The following PLXNA4 variants were observed in gnomAD, a reference collection of about 807,000 sequenced individuals.
PLXNA4 encodes plexin A4.
A neutral mutation model predicts 191.8 loss-of-function variants in PLXNA4; 44 were observed. That is an observed-to-expected ratio of 0.23 (90% CI 0.18 to 0.29). The LOEUF is 0.29. PLXNA4 is among the 10% of genes least tolerant of loss of function. PLXNA4 has a pLI of 1.00. For synonymous variants in PLXNA4, 1,082 were observed against 1,009.5 expected (o/e 1.07, Z -1.36); for missense variants, 1,800 against 2,488.8 (o/e 0.72, Z 5.89).
At position 132,521,252 on chromosome 7, in the gene PLXNA4, A is replaced by G. The variant is rs113833857; in HGVS notation, c.-86-12473T>C. Among the ~76,000 whole-genome samples, 937 of 152,048 alleles carry G rather than the reference A, an allele frequency of 6.2e-3. 9 individuals are homozygous for G. Among genetic ancestry groups the G allele is most frequent in the African/African-American group, 0.022 (915 of 41,464 alleles). On this transcript the variant is annotated intron_variant, in intron 1 of 31. Transcript: ENST00000321063. Reference sequence around the variant, plus strand: ...TGGGGCCAGGCACTACTACCTGAGAATATGTAAGGGGGTAGCAGAATAGAG... The same window carrying G: ...TGGGGCCAGGCACTACTACCTGAGAGTATGTAAGGGGGTAGCAGAATAGAG...
chr7:132,357,890 G>A (rs762239522), intron 3 of PLXNA4, among the ~76,000 whole-genome samples: 5 of 152,206 alleles, frequency 3.3e-5, no homozygotes, highest in Non-Finnish European at 5.9e-5. Context: ...GCTCTGGGCC[G>A]AGCCCAAGTT....
At chr7:132,203,180 C>A (rs1013234429) in intron 11 of PLXNA4, 143 bp downstream of exon 11, 3 of 725,650 alleles carry the variant, frequency 4.1e-6, no homozygotes, top group Non-Finnish European at 6.9e-6. Context: ...GGTGGAGAGG[C>A]TGTGAAGGAG....
Position 132,417,722 on chromosome 7 carries a change from G to T in PLXNA4, c.1371+71570C>A, listed in dbSNP as rs183266212. ...AAGGGGGAGAGGTGGGGGAGGAGGG[G>T]AGAGGGAGAGACGGAGGGAGAGAGA... On this transcript the variant is annotated intron_variant, in intron 3 of 31. Coordinates refer to ENST00000321063, the MANE Select transcript of PLXNA4 (RefSeq NM_020911.2). 2.1e-3 allele frequency among the ~76,000 whole-genome samples: 312 copies of T among 151,580 alleles called. 5 individuals are homozygous for T. In the East Asian group the frequency reaches 0.035, roughly 17 times the overall value.
In PLXNA4 at chr7:132,625,854, G is replaced by A. The variant is rs12535528; in HGVS notation, c.-87+20074C>T. Among the ~76,000 whole-genome samples, 273 of 152,256 alleles carry A rather than the reference G, an allele frequency of 1.8e-3. 2 individuals are homozygous for A. The highest frequency in any genetic ancestry group is 0.01 in the Middle Eastern group (3 of 294). ...GGGACTGGGATACAGCAAAGACCAC[G>A]ACAGACAAAAATCCTGCTCTCACGG... is the stretch of plus-strand genomic sequence containing the variant. On this transcript the variant is annotated intron_variant, in intron 2 of 4. Coordinates refer to the PLXNA4 transcript ENST00000378539.
chr7:132,353,641 C>CA (rs1265156619), intron 3 of PLXNA4, among the ~76,000 whole-genome samples: 1 of 151,968 alleles, frequency 6.6e-6, no homozygotes, highest in Non-Finnish European at 1.5e-5. Context: ...CAAAACAAAA[C>CA]AAAAAAACAC....
At chr7:132,228,533 C>T in intron 5 of PLXNA4, 64 bp from the exon 6 acceptor site, 1 of 1,597,444 alleles carries the variant, frequency 6.3e-7, no homozygotes, top group Non-Finnish European at 8.6e-7. Context: ...GGGGCGGATG[C>T]TGAGGTCAGG....
At chr7:132,554,101 T>C (rs547553203) in intron 1 of PLXNA4, among the ~76,000 whole-genome samples, 6 of 152,244 alleles carry the variant, frequency 3.9e-5, no homozygotes, top group East Asian at 3.9e-4. Context: ...GAGATAGATA[T>C]AGATATAGAT....
At chr7:132,595,888 C>T (rs1802701893) in intron 2 of PLXNA4, among the ~76,000 whole-genome samples, 1 of 152,196 alleles carries the variant, frequency 6.6e-6, no homozygotes, top group Non-Finnish European at 1.5e-5. Flanking sequence ...CTTCAGCAAA[C>T]CTCTTTTGAG....
chr7:132,571,137 G>T (rs1021712970), intron 1 of PLXNA4, among the ~76,000 whole-genome samples: 2 of 152,150 alleles, frequency 1.3e-5, no homozygotes, highest in African/African-American at 4.8e-5. Flanking sequence ...CTCACTTGTG[G>T]CTTTTTCCTA....
intron 3 of PLXNA4, among the ~76,000 whole-genome samples, chr7:132,389,903 A>T (rs1285009029): frequency 1.3e-5 from 2 of 152,212 alleles, no homozygotes; most frequent in East Asian, 3.8e-4. Context: ...TGATAATTAA[A>T]AAGTCAGGAC....
intron 4 of PLXNA4, among the ~76,000 whole-genome samples, chr7:132,242,106 T>G (rs1036139329): frequency 3.9e-5 from 6 of 152,164 alleles, no homozygotes; most frequent in Non-Finnish European, 5.9e-5. Context: ...TTTATAACCT[T>G]GGTCTTTATT....
chr7:132,187,744 G>A, intron 14 of PLXNA4, 137 bp from the exon 15 acceptor site: 13 of 1,427,628 alleles, frequency 9.1e-6, no homozygotes, highest in Admixed American at 2.5e-5. Flanking sequence ...GAGAACCAGG[G>A]CAGTTCTCTT....
intron 4 of PLXNA4, among the ~76,000 whole-genome samples, chr7:132,252,578 G>T (rs1406151318): frequency 6.6e-6 from 1 of 152,128 alleles, no homozygotes; most frequent in Admixed American, 6.5e-5. Context: ...TGGGATTATA[G>T]GCGTGAGTCA....
chr7:132,528,351 C>G (rs1799491695), intron 1 of PLXNA4, among the ~76,000 whole-genome samples: 1 of 152,216 alleles, frequency 6.6e-6, no homozygotes, highest in South Asian at 2.1e-4. Context: ...GAGCAGCCAA[C>G]CCACCAATGT....
At chr7:132,348,145 T>C (rs1477909653) in intron 3 of PLXNA4, among the ~76,000 whole-genome samples, 5 of 152,202 alleles carry the variant, frequency 3.3e-5, no homozygotes, top group Non-Finnish European at 7.3e-5. Context: ...GGGTAATGAA[T>C]GAAGCTGAAC....
In PLXNA4 at chr7:132,647,200, C is replaced by G. The variant is rs552312447; in HGVS notation, c.-202-1157G>C. The stretch of plus-strand genomic sequence containing the variant: ...CCACAGTCATACATTCACAAACACC[C>G]ACATGCTATCATATACACACATATA... On this transcript the variant is annotated intron_variant, in intron 1 of 4. Transcript: ENST00000378539. Among the ~76,000 whole-genome samples, 6 of 151,832 alleles carry G rather than the reference C, an allele frequency of 4.0e-5. No individual in the cohort carries two copies. The East Asian group carries it at 1.2e-3, about 29-fold the overall frequency.
intron 5 of PLXNA4, among the ~76,000 whole-genome samples, chr7:132,232,279 T>G (rs1446672292): frequency 2.0e-5 from 3 of 152,132 alleles, no homozygotes; most frequent in African/African-American, 7.2e-5. Flanking sequence ...ACAGGCCCCT[T>G]GACATGAAGG....
intron 3 of PLXNA4, among the ~76,000 whole-genome samples, chr7:132,451,824 G>T (rs995457862): frequency 6.6e-6 from 1 of 152,258 alleles, no homozygotes; most frequent in Non-Finnish European, 1.5e-5. Flanking sequence ...ACAGGGATGG[G>T]ATGGGGCTGT....
At chr7:132,382,050 A>C (rs1000228351) in intron 3 of PLXNA4, among the ~76,000 whole-genome samples, 7 of 152,194 alleles carry the variant, frequency 4.6e-5, no homozygotes, top group African/African-American at 1.2e-4. Context: ...GCCACAGGGC[A>C]TGATAAAATA....
Sources: gnomAD v4.1 joint callset for allele counts (sites outside exome capture counted in the v4.1 genomes callset) on GRCh38, gnomAD v4.1.1 for gene constraint, MANE v1.5 for transcripts, NCBI Gene and HGNC (gene_info 2026-07-23, HGNC 2026-07-21) for gene names.